The following MMP17 variants were observed in gnomAD, a reference collection of about 807,000 sequenced individuals.
The protein encoded by MMP17 is matrix metalloproteinase-17.
Under a neutral mutation model 49.1 loss-of-function variants are expected in MMP17, and 54 were observed. The ratio of observed to expected loss-of-function variants is 1.10; its 90% confidence interval spans 0.88 to 1.38. MMP17 has a LOEUF of 1.38. MMP17 is among the 40% of genes most tolerant of loss of function. The pLI is 0.00. For synonymous variants in MMP17, 397 were observed against 383.1 expected, an observed-to-expected ratio of 1.04 and a Z score of -0.42; for missense variants, 837 against 853.7, an observed-to-expected ratio of 0.98 and a Z score of 0.24.
intron 9 of MMP17, among the ~76,000 whole-genome samples, chr12:131,850,580 G>A (rs769069116): frequency 6.6e-6 from 1 of 152,146 alleles, no homozygotes; most frequent in Non-Finnish European, 1.5e-5. Flanking sequence ...ATCCAGTAAG[G>A]GAAAGAGACT....
At chr12:131,831,203 G>T (rs73160801) in intron 1 of MMP17, among the ~76,000 whole-genome samples, 1 of 152,376 alleles carries the variant, frequency 6.6e-6, no homozygotes, top group Non-Finnish European at 1.5e-5. Flanking sequence ...CGGGATCTGG[G>T]TCCTGGGTGG....
chr12:131,834,427 C>CG (rs1886974657), intron 1 of MMP17, among the ~76,000 whole-genome samples: 1 of 152,178 alleles, frequency 6.6e-6, no homozygotes, highest in Non-Finnish European at 1.5e-5. Flanking sequence ...GACCAGGCGG[C>CG]GGGTGGGCGT....
chr12:131,831,139 C>G (rs1315273838), intron 1 of MMP17, among the ~76,000 whole-genome samples: 1 of 152,242 alleles, frequency 6.6e-6, no homozygotes, highest in Non-Finnish European at 1.5e-5. Context: ...AAGCCAGGCT[C>G]GGCCTGCAGC....
chr12:131,843,274 T>C (rs1887517975), intron 5 of MMP17, among the ~76,000 whole-genome samples: 1 of 148,226 alleles, frequency 6.7e-6, no homozygotes, highest in Non-Finnish European at 1.5e-5. Context: ...CCTCTTTTTT[T>C]TTTTTTTTTT....
intron 5 of MMP17, among the ~76,000 whole-genome samples, chr12:131,843,003 T>C (rs1407818251): frequency 2.0e-5 from 3 of 151,962 alleles, no homozygotes; most frequent in African/African-American, 4.8e-5. Flanking sequence ...TGTGTCTGGC[T>C]CTTTTTTTTT....
rs988305972 is a variant in MMP17, at chr12:131,836,090, G to A, written c.160-2105G>A. 4.6e-5 allele frequency among the ~76,000 whole-genome samples: 7 copies of A among 152,196 alleles called. No homozygotes were observed. In the South Asian group the frequency reaches 1.0e-3, roughly 23 times the overall value. ...TGAACGTCCACTTTGACGTCCTGTC[G>A]TGCCTATAGCTTTGGAGGGGCCCCC... is the stretch of plus-strand genomic sequence containing the variant. On this transcript the variant is annotated intron_variant, in intron 1 of 9. Coordinates refer to ENST00000360564, the MANE Select transcript of MMP17 (RefSeq NM_016155.7).
rs915416684 is a variant in MMP17, at chr12:131,846,013, G to A, written c.1204+564G>A. On this transcript the variant is annotated intron_variant, in intron 8 of 9. Transcript: ENST00000360564. The surrounding 1 kb of genome is among the most constrained non-coding windows in gnomAD (Gnocchi z 4.6). ...TGCCCACCGTTCCAGGAACCACCTC[G>A]TGGCAGTGTTACAGGAAGCACTCCT... Among the ~76,000 whole-genome samples, 4 of 152,124 alleles carry A rather than the reference G, an allele frequency of 2.6e-5. No homozygotes were observed. The highest frequency in any genetic ancestry group is 5.9e-5 in the Non-Finnish European group (4 of 68,022).
intron 9 of MMP17, 92 bp from the exon 10 acceptor site, chr12:131,850,833 C>T: frequency 9.8e-7 from 1 of 1,018,014 alleles, no homozygotes; most frequent in South Asian, 2.4e-5. Flanking sequence ...CGCTGCAGCC[C>T]TCCCTGAGCC....
chr12:131,847,394 CAG>C (rs1321987105), intron 8 of MMP17, among the ~76,000 whole-genome samples: 1 of 138,492 alleles, frequency 7.2e-6, no homozygotes, highest in Non-Finnish European at 1.5e-5. Flanking sequence ...GCCTGGGTGA[CAG>C]AGCGAGACTC....
intron 8 of MMP17, 23 bp downstream of exon 8, chr12:131,845,472 C>G: frequency 6.5e-7 from 1 of 1,539,874 alleles, no homozygotes; most frequent in Non-Finnish European, 8.7e-7. Context: ...CCCCGTCGCA[C>G]TCCGGGCTTC....
At chr12:131,838,168 C>G (rs764437171) in intron 1 of MMP17, 27 bp from the exon 2 acceptor site, 21 of 1,584,444 alleles carry the variant, frequency 1.3e-5, no homozygotes, top group Non-Finnish European at 1.8e-5. Flanking sequence ...CTCTGTTGCA[C>G]CCCCTCACCC....
intron 3 of MMP17, 92 bp from the exon 4 acceptor site, chr12:131,840,481 C>A (rs1409148562): frequency 1.4e-6 from 2 of 1,401,788 alleles, no homozygotes; most frequent in Non-Finnish European, 1.9e-6. Context: ...CATAGGGGCA[C>A]CCCCGGGCTG....
chr12:131,830,761 C>A (rs868148623), intron 1 of MMP17, among the ~76,000 whole-genome samples: 2 of 152,326 alleles, frequency 1.3e-5, no homozygotes, highest in Middle Eastern at 3.4e-3. Context: ...GGGGAGGGCC[C>A]GCCCCGGAGC....
chr12:131,829,971 C>T (rs923995236), intron 1 of MMP17, among the ~76,000 whole-genome samples: 3 of 152,242 alleles, frequency 2.0e-5, no homozygotes, highest in Non-Finnish European at 4.4e-5. Context: ...TCCTCAAGAC[C>T]CTTTTGTAGG....
At chr12:131,831,748 A>G (rs1055870870) in intron 1 of MMP17, among the ~76,000 whole-genome samples, 8 of 136,182 alleles carry the variant, frequency 5.9e-5, no homozygotes, top group African/African-American at 2.0e-4. Context: ...CAATGGGGCC[A>G]GTGAGGACAG....
At chr12:131,829,146 T>C (rs1477172216) in intron 1 of MMP17, among the ~76,000 whole-genome samples, 2 of 152,188 alleles carry the variant, frequency 1.3e-5, no homozygotes, top group African/African-American at 4.8e-5. Context: ...GTTTGCTCGG[T>C]TGAGGGTGTT....
intron 5 of MMP17, among the ~76,000 whole-genome samples, chr12:131,842,348 C>T (rs1314210764): frequency 6.6e-6 from 1 of 152,222 alleles, no homozygotes; most frequent in African/African-American, 2.4e-5. Flanking sequence ...GCCCTCCACA[C>T]CGCCCACCAC....
At chr12:131,840,447 A>C in intron 3 of MMP17, 126 bp from the exon 4 acceptor site, 1 of 971,244 alleles carries the variant, frequency 1.0e-6, no homozygotes, top group Non-Finnish European at 1.5e-6. Flanking sequence ...CGTGGGGAGG[A>C]AGGCGGAAGA....
intron 6 of MMP17, chr12:131,844,867 CT>C (rs1393802098): frequency 7.5e-6 from 4 of 529,992 alleles, no homozygotes; most frequent in South Asian, 4.2e-5. Flanking sequence ...GTCTCCACCC[CT>C]GAGCTCCTGC....
Sources: allele counts gnomAD v4.1 joint callset (sites outside exome capture counted in the v4.1 genomes callset), GRCh38; gene constraint gnomAD v4.1.1; non-coding constraint Gnocchi (gnomAD v3.1); transcripts MANE v1.5; gene names NCBI Gene and HGNC (gene_info 2026-07-23, HGNC 2026-07-21).